The following CREB1 variants were observed in gnomAD, a reference collection of about 807,000 sequenced individuals.
The protein encoded by CREB1 is cAMP responsive element binding protein 1.
In CREB1, 2 loss-of-function variants were observed where a neutral mutation model predicts 42.0. That is an observed-to-expected ratio of 0.05 (90% CI 0.02 to 0.15). The LOEUF (loss-of-function observed/expected upper bound fraction) is 0.15. Among genes scored for constraint, CREB1 ranks in the 10% least tolerant of loss-of-function variants. The pLI is 1.00. For synonymous variants in CREB1, 123 were observed against 139.9 expected, an observed-to-expected ratio of 0.88 and a Z score of 0.85; for missense variants, 199 against 388.9, an observed-to-expected ratio of 0.51 and a Z score of 4.11.
intron 7 of CREB1, among the ~76,000 whole-genome samples, chr2:207,589,592 C>T (rs2084568616): frequency 6.6e-6 from 1 of 152,182 alleles, no homozygotes; most frequent in Non-Finnish European, 1.5e-5. Flanking sequence ...GCTGTAGGGT[C>T]TCTGTAAAAA....
intron 1 of CREB1, among the ~76,000 whole-genome samples, chr2:207,548,442 C>T (rs1053660332): frequency 6.6e-6 from 1 of 151,946 alleles, no homozygotes; most frequent in African/African-American, 2.4e-5. Flanking sequence ...AATTTGTTTT[C>T]TTAAATAATA....
At chr2:207,552,105 G>C (rs2081532948) in intron 1 of CREB1, among the ~76,000 whole-genome samples, 1 of 150,194 alleles carries the variant, frequency 6.7e-6, no homozygotes, top group African/African-American at 2.4e-5. Context: ...AGGATTGGTA[G>C]GCTGCTTGAA....
At chr2:207,538,469 A>C (rs959807349) in intron 1 of CREB1, among the ~76,000 whole-genome samples, 2 of 151,846 alleles carry the variant, frequency 1.3e-5, no homozygotes, top group Admixed American at 6.5e-5. Context: ...GAGTTGAAAT[A>C]AGGTGATAAA....
At position 207,542,641 on chromosome 2, in the gene CREB1, A is replaced by G. The variant is rs143275183; in HGVS notation, c.-9+12507A>G. ...TTCTTGATGGTGTCTCTTGAAGCAC[A>G]AAAGTTTTTAATTTTTATGATTTCC... On this transcript the variant is annotated intron_variant, in intron 1 of 7. Transcript: ENST00000353267. Among the ~76,000 whole-genome samples, 6 of 152,314 alleles carry G rather than the reference A, an allele frequency of 3.9e-5. No homozygotes were observed. In the East Asian group the frequency reaches 9.6e-4, roughly 24 times the overall value.
At chr2:207,545,198 A>C (rs1439862804) in intron 1 of CREB1, among the ~76,000 whole-genome samples, 1 of 152,044 alleles carries the variant, frequency 6.6e-6, no homozygotes, top group African/African-American at 2.4e-5. Context: ...TTCCAGAGAA[A>C]GGTTCTTTTA....
rs2086493621 is a variant in CREB1 at position 207,598,261 on chromosome 2, T to C, written c.*1203T>C. ...TATTTGAATGACTGCTGTACTGCAA[T>C]ATTTGGATTGTCATTCTTACAAAAC... On this transcript the variant is annotated 3_prime_UTR_variant, in exon 8 of 8. Coordinates refer to ENST00000353267, the MANE Select transcript of CREB1 (RefSeq NM_004379.5). 5.4e-6 allele frequency: 1 copy of C among 183,752 alleles called. No individual in the cohort carries two copies. Among genetic ancestry groups the C allele is most frequent in the African/African-American group, 2.3e-5 (1 of 42,600 alleles). 11.4% of individuals were successfully genotyped at this position (183,752 alleles called of 1,614,324 possible). A position where few individuals can be genotyped will look rare whatever the true frequency, so the allele number is the denominator to read the frequency against.
chr2:207,585,857 G>A (rs1197350119), intron 7 of CREB1, among the ~76,000 whole-genome samples: 2 of 152,066 alleles, frequency 1.3e-5, no homozygotes, highest in African/African-American at 4.8e-5. Context: ...AAAGGATGAA[G>A]AAAGCCTACA....
chr2:207,546,184 A>C (rs750406633), intron 1 of CREB1, among the ~76,000 whole-genome samples: 3 of 152,342 alleles, frequency 2.0e-5, no homozygotes, highest in Middle Eastern at 6.8e-3. Context: ...AGATTGTAGT[A>C]ATCAAAATGA....
At chr2:207,578,576 G>C (rs901514920) in intron 7 of CREB1, among the ~76,000 whole-genome samples, 4 of 152,264 alleles carry the variant, frequency 2.6e-5, no homozygotes, top group East Asian at 1.9e-4. Flanking sequence ...ATTGTTGTAA[G>C]AGTCAAGTAA....
intron 1 of CREB1, among the ~76,000 whole-genome samples, chr2:207,545,763 C>T (rs1445987565): frequency 4.2e-5 from 6 of 142,194 alleles, no homozygotes; most frequent in Admixed American, 1.4e-4. Context: ...GATGGAGTTT[C>T]GCTCTTTCTG....
chr2:207,571,597 TA>T (rs1220633194), intron 5 of CREB1: 1 of 209,954 alleles, frequency 4.8e-6, no homozygotes, highest in African/African-American at 2.4e-5. Flanking sequence ...GTGGCAGATA[TA>T]AAGTACAACT....
rs2082306277 is a variant in CREB1, at chr2:207,570,280, C to T, written c.464C>T (p.Thr155Met). The T allele has an allele frequency of 1.9e-6, 3 of 1,613,138 alleles. No homozygotes were observed. Among genetic ancestry groups the T allele is most frequent in the African/African-American group, 1.3e-5 (1 of 74,852 alleles). ...TCAGCACCTGCCATCACCACTGTAA[C>T]GGTGCCAACTCCAATTTACCAAACT... ...ETSAPAITTV[T>M]VPTPIYQTSS... Residue 155 changes from threonine to methionine, a missense_variant, in exon 5 of 8, where the codon ACG becomes ATG. Thr to Met is a moderately conservative substitution (Grantham distance 81). This residue lies in a region of CREB1 where 66 missense variants were observed against 150.8 expected (regional missense o/e 0.44). Coordinates refer to ENST00000353267, the MANE Select transcript of CREB1 (RefSeq NM_004379.5).
chr2:207,552,015 C>G (rs980744904), intron 1 of CREB1, among the ~76,000 whole-genome samples: 1 of 118,124 alleles, frequency 8.5e-6, no homozygotes, highest in African/African-American at 3.1e-5. Context: ...GCACTCCAGC[C>G]TGGGCAACAA....
At chr2:207,577,381 G>C (rs2082636348) in intron 6 of CREB1, 124 bp from the exon 7 acceptor site, 2 of 1,300,226 alleles carry the variant, frequency 1.5e-6, no homozygotes, top group Admixed American at 5.3e-5. Context: ...GCTTTAGCCA[G>C]AATCATCTTT....
At chr2:207,577,968 C>A in intron 7 of CREB1, 1 of 364,140 alleles carries the variant, frequency 2.7e-6, no homozygotes, top group Non-Finnish European at 5.3e-6. Context: ...GGTTTCTTTT[C>A]ATGTATAGTA....
intron 1 of CREB1, among the ~76,000 whole-genome samples, chr2:207,544,186 C>T (rs945148704): frequency 1.3e-5 from 2 of 152,186 alleles, no homozygotes; most frequent in African/African-American, 2.4e-5. Context: ...GGATTACAGG[C>T]GTGAGCCACT....
chr2:207,592,449 G>A (rs2085233979), intron 7 of CREB1, among the ~76,000 whole-genome samples: 1 of 151,602 alleles, frequency 6.6e-6, no homozygotes, highest in Admixed American at 6.6e-5. Context: ...GATTTAAATG[G>A]TTTCTGACAA....
At chr2:207,585,272 G>A (rs771536100) in intron 7 of CREB1, among the ~76,000 whole-genome samples, 1 of 152,120 alleles carries the variant, frequency 6.6e-6, no homozygotes, top group Non-Finnish European at 1.5e-5. Flanking sequence ...ACTGACAACC[G>A]AAGCCTAAGC....
chr2:207,571,037 C>A (rs1559044517), intron 5 of CREB1, among the ~76,000 whole-genome samples: 1 of 10,372 alleles, frequency 9.6e-5, no homozygotes, highest in Non-Finnish European at 3.9e-4. Context: ...TTTTTTTTGC[C>A]TCTCAAAGTG....
Sources: allele counts gnomAD v4.1 joint callset (sites outside exome capture counted in the v4.1 genomes callset), GRCh38; gene constraint gnomAD v4.1.1; regional missense constraint gnomAD v4.1.1; transcripts MANE v1.5; gene names NCBI Gene and HGNC (gene_info 2026-07-23, HGNC 2026-07-21).